GPR37: variants seen among roughly 807,000 people sequenced by gnomAD.
GPR37 encodes the protein G protein-coupled receptor 37.
GPR37 carries 20 observed loss-of-function variants against 43.6 expected under a neutral mutation model. The ratio of observed to expected loss-of-function variants is 0.46; its 90% CI spans 0.32 to 0.67. The LOEUF is 0.67. GPR37 is among the 30% of genes least tolerant of loss of function. The pLI, the probability that GPR37 is intolerant of heterozygous loss-of-function variation, is 0.03. For missense variants in GPR37, 724 were observed against 797.2 expected (o/e 0.91, Z 1.11); for synonymous variants, 315 against 322.6 (o/e 0.98, Z 0.25).
intron 1 of GPR37, 120 bp downstream of exon 1, chr7:124,763,834 G>C: frequency 1.2e-6 from 1 of 839,504 alleles, no homozygotes; most frequent in Non-Finnish European, 1.9e-6. Flanking sequence ...AAATGAAAGA[G>C]GGCCCCAGAT....
In GPR37 at chr7:124,744,959, C is replaced by T. The variant is rs1281733945; in HGVS notation, c.*1566G>A. 6.6e-6 allele frequency: 1 copy of T among 152,062 alleles called. No individual in the cohort carries two copies. Among genetic ancestry groups the T allele is most frequent in the Non-Finnish European group, 1.5e-5 (1 of 68,004 alleles). 9.4% of individuals were successfully genotyped at this position (152,062 alleles called of 1,614,324 possible). ...TCCAAAGACCTATTACAGGGATCTA[C>T]AAGAAGACAAGGGCACCTTGTTTGA... On this transcript the variant is annotated 3_prime_UTR_variant, in exon 2 of 2. Transcript: ENST00000303921.
chr7:124,746,388 C>A lies in GPR37; in HGVS notation c.*137G>T, dbSNP rs1793669957. 1.8e-6 allele frequency: 1 copy of A among 566,592 alleles called. No homozygotes were observed. Among genetic ancestry groups the A allele is most frequent in the African/African-American group, 1.9e-5 (1 of 51,416 alleles). The allele number at this position is 566,592 out of a possible 1,614,324, so 35.1% of individuals were successfully genotyped here. ...AAGCACAAATATTAATTTGTAAAAT[C>A]AGTTCTACAGTAGTTAATATTTCTT... On this transcript the variant is annotated 3_prime_UTR_variant, in exon 2 of 2. Coordinates refer to ENST00000303921, the MANE Select transcript of GPR37 (RefSeq NM_005302.5).
At chr7:124,759,794 C>T (rs1484621006) in intron 1 of GPR37, among the ~76,000 whole-genome samples, 1 of 152,182 alleles carries the variant, frequency 6.6e-6, no homozygotes, top group East Asian at 1.9e-4. Context: ...CACAATAGAC[C>T]TTGGAAGCTG....
rs763743422 is a variant in GPR37 at position 124,746,482 on chromosome 7, T to C, written c.*43A>G. 7.1e-6 allele frequency: 10 copies of C among 1,400,764 alleles called. No homozygotes were observed. Among genetic ancestry groups the C allele is most frequent in the South Asian group, 6.2e-5 (4 of 64,628 alleles). 86.8% of individuals were successfully genotyped at this position (1,400,764 alleles called of 1,614,324 possible). On this transcript the variant is annotated 3_prime_UTR_variant, in exon 2 of 2. Transcript: ENST00000303921. ...ATGAATTAAAAACTTTCACGGGATA[T>C]GAAAATCAAACAAATAAATCTGACC...
chr7:124,755,450 C>A (rs1793781369), intron 1 of GPR37, among the ~76,000 whole-genome samples: 1 of 152,112 alleles, frequency 6.6e-6, no homozygotes, highest in Non-Finnish European at 1.5e-5. Context: ...TAAAAATCAA[C>A]ATATTCTCCC....
In GPR37 at chr7:124,762,125, A is replaced by G. The variant is rs538571782; in HGVS notation, c.1023+1829T>C. ...TTAAAAAGTGAAATACAAATGAAAG[A>G]AAGTATTACATTTGTACAAACTCAG... On this transcript the variant is annotated intron_variant, in intron 1 of 1. Coordinates refer to ENST00000303921, the MANE Select transcript of GPR37 (RefSeq NM_005302.5). Among the ~76,000 whole-genome samples the G allele has an allele frequency of 7.2e-5, 11 of 152,304 alleles. No homozygotes were observed. In the South Asian group the frequency reaches 1.9e-3, roughly 26 times the overall value.
intron 1 of GPR37, among the ~76,000 whole-genome samples, chr7:124,750,757 G>T (rs752791422): frequency 1.3e-5 from 2 of 152,142 alleles, no homozygotes; most frequent in Non-Finnish European, 1.5e-5. Context: ...CAGAAGCTGT[G>T]CTGCACATCC....
At chr7:124,752,289 G>A (rs1297080253) in intron 1 of GPR37, among the ~76,000 whole-genome samples, 1 of 152,144 alleles carries the variant, frequency 6.6e-6, no homozygotes, top group Non-Finnish European at 1.5e-5. Context: ...ATATGTGTGT[G>A]TGTCTTGTTT....
intron 1 of GPR37, among the ~76,000 whole-genome samples, chr7:124,747,752 G>C (rs1793690043): frequency 6.6e-6 from 1 of 152,058 alleles, no homozygotes; most frequent in Non-Finnish European, 1.5e-5. Flanking sequence ...TTGCTGACCA[G>C]GATGCTCATG....
intron 1 of GPR37, among the ~76,000 whole-genome samples, chr7:124,748,726 C>T (rs1187775313): frequency 6.6e-6 from 1 of 151,994 alleles, no homozygotes; most frequent in Non-Finnish European, 1.5e-5. Context: ...AACTCTTTGA[C>T]AATAACCACA....
chr7:124,765,229 G>A lies in GPR37; in HGVS notation c.-253C>T, dbSNP rs1163088900. ...GTCCCAGCAAGGTATGCCCTCCAAGGTTCCTAGAGGGAATAGGCTACTCCC... is the reference window on the plus strand; with the variant it reads ...GTCCCAGCAAGGTATGCCCTCCAAGATTCCTAGAGGGAATAGGCTACTCCC... On this transcript the variant is annotated 5_prime_UTR_variant, in exon 1 of 2. Coordinates refer to ENST00000303921, the MANE Select transcript of GPR37 (RefSeq NM_005302.5). 5 of 422,432 alleles carry A rather than the reference G, an allele frequency of 1.2e-5. No homozygotes were observed. The highest frequency in any genetic ancestry group is 2.1e-5 in the Non-Finnish European group (5 of 240,572). The allele number at this position is 422,432 out of a possible 1,614,324, so 26.2% of individuals were successfully genotyped here.
rs752634274 is a variant in GPR37 at position 124,764,453 on chromosome 7, C to T, written c.524G>A (p.Gly175Glu). 53 of 1,613,614 alleles carry T rather than the reference C, an allele frequency of 3.3e-5. No homozygotes were observed. Among genetic ancestry groups the T allele is most frequent in the Non-Finnish European group, 4.5e-5 (53 of 1,180,048 alleles). Residue 175 changes from glycine to glutamate, a missense_variant, in exon 1 of 2, where the codon GGA becomes GAA. Transcript: ENST00000303921. The surrounding 1 kb of genome is among the most constrained non-coding windows in gnomAD (Gnocchi z 5.4). ...SQEQSVKTVP[G>E]ASDLFYWPRR... ...TGGCCAGTAAAAAAGATCGCTGGCT[C>T]CGGGGACTGTCTTCACACTCTGCTC... is the stretch of plus-strand genomic sequence containing the variant.
intron 1 of GPR37, among the ~76,000 whole-genome samples, chr7:124,761,565 T>C (rs1457469583): frequency 6.6e-6 from 1 of 152,202 alleles, no homozygotes; most frequent in African/African-American, 2.4e-5. Context: ...CTTTCCTTAA[T>C]AGGTTGAACC....
chr7:124,753,655 A>G (rs1464072742), intron 1 of GPR37, among the ~76,000 whole-genome samples: 1 of 152,148 alleles, frequency 6.6e-6, no homozygotes, highest in East Asian at 1.9e-4. Context: ...GAAACCAACA[A>G]AAAACAGGTA....
Position 124,746,549 on chromosome 7 carries a change from A to G in GPR37, c.1818T>C (p.Phe606=). 1 of 1,608,558 alleles carries G rather than the reference A, an allele frequency of 6.2e-7. No individual in the cohort carries two copies. The highest frequency in any genetic ancestry group is 8.5e-7 in the Non-Finnish European group (1 of 1,176,984). The change falls in exon 2 of 2, where the codon TTT becomes TTC. Residue 606 remains phenylalanine, a synonymous_variant. Transcript: ENST00000303921. The stretch of plus-strand genomic sequence containing the variant: ...TTCAGCAATGAGTTCCGACAGAAGC[A>G]AAAGTGGACATTTCACGGCGTATGG... ...FSTIRREMST[F]ASVGTHC is the part of the protein sequence containing the mutation.
At chr7:124,752,813 G>A (rs537564255) in intron 1 of GPR37, among the ~76,000 whole-genome samples, 1 of 152,198 alleles carries the variant, frequency 6.6e-6, no homozygotes, top group South Asian at 2.1e-4. Flanking sequence ...TATTAACAAT[G>A]CAGTACAGTC....
Position 124,745,779 on chromosome 7 carries a change from A to G in GPR37, c.*746T>C, listed in dbSNP as rs1793663687. Among the ~76,000 whole-genome samples, 1 of 152,148 alleles carries G rather than the reference A, an allele frequency of 6.6e-6. No individual in the cohort carries two copies. Among genetic ancestry groups the G allele is most frequent in the Admixed American group, 6.6e-5 (1 of 15,266 alleles). On this transcript the variant is annotated 3_prime_UTR_variant, in exon 2 of 2. Coordinates refer to ENST00000303921, the MANE Select transcript of GPR37 (RefSeq NM_005302.5). The stretch of plus-strand genomic sequence containing the variant: ...AAAGAAACTTTCTTCCTACTCTGCT[A>G]TTTATTCATATTTTATAAGTATTCA...
At position 124,764,165 on chromosome 7, in the gene GPR37, A is replaced by T; in HGVS notation, c.812T>A (p.Ile271Asn). The T allele has an allele frequency of 6.2e-7, 1 of 1,601,482 alleles. No individual in the cohort carries two copies. The highest frequency in any genetic ancestry group is 8.5e-7 in the Non-Finnish European group (1 of 1,173,328). The change falls in exon 1 of 2, where the codon ATC becomes AAC. Residue 271 changes from isoleucine (I) to asparagine (N), a missense_variant. Coordinates refer to ENST00000303921, the MANE Select transcript of GPR37 (RefSeq NM_005302.5). This position sits in a 1 kb window ranked among gnomAD's most constrained non-coding sequence, Gnocchi z 5.4. The part of the protein sequence containing the change: ...AYAVMCLSVV[I>N]FGTGIIGNLA... ...GTTGCCAATGATGCCGGTCCCGAAGATCACCACGGACAGACACATGACCGC... is the reference window on the plus strand; with the variant it reads ...GTTGCCAATGATGCCGGTCCCGAAGTTCACCACGGACAGACACATGACCGC...
In GPR37 at chr7:124,764,210, T is replaced by C. The variant is rs1793884389; in HGVS notation, c.767A>G (p.Gln256Arg). 6.3e-7 allele frequency: 1 copy of C among 1,593,860 alleles called. No individual in the cohort carries two copies. Among genetic ancestry groups the C allele is most frequent in the South Asian group, 1.1e-5 (1 of 87,082 alleles). Residue 256 changes from glutamine (Q) to arginine (R), a missense_variant, in exon 1 of 2, where the codon CAG becomes CGG. Around this residue, in one of 2 missense-constraint regions of GPR37, gnomAD observed 382 missense variants for 355.4 expected, o/e 1.07. Transcript: ENST00000303921. The surrounding 1 kb of genome is among the most constrained non-coding windows in gnomAD (Gnocchi z 5.4). ...GACCGCGTAGGCTCCATAGGACTCC[T>C]GGGTCAGCGGGTAGAAGGGGTTCTT... The part of the protein sequence containing the change: ...RLKNPFYPLT[Q>R]ESYGAYAVMC...
Sources: gnomAD v4.1 joint callset for allele counts (sites outside exome capture counted in the v4.1 genomes callset) on GRCh38, gnomAD v4.1.1 for gene constraint, gnomAD v4.1.1 regional missense constraint, Gnocchi (gnomAD v3.1) non-coding constraint, MANE v1.5 for transcripts, NCBI Gene and HGNC (gene_info 2026-07-23, HGNC 2026-07-21) for gene names.